Variants in DOCK1 observed in about 807,000 individuals in gnomAD.
DOCK1 encodes dedicator of cytokinesis 1.
DOCK1 carries 138 observed loss-of-function variants against 262.7 expected under a neutral mutation model. The ratio of observed to expected loss-of-function variants is 0.53; its 90% CI spans 0.46 to 0.61. The LOEUF (loss-of-function observed/expected upper bound fraction) is 0.61. DOCK1 is among the 20% of genes least tolerant of loss of function. The probability of loss-of-function intolerance (pLI) is 0.00; values close to 1 mark genes in which losing one functional copy is unlikely to be tolerated. For synonymous variants in DOCK1, 866 were observed against 867.4 expected (o/e 1.00, Z 0.03); for missense variants, 1,908 against 2,370.7 (o/e 0.80, Z 4.05).
chr10:127,015,740 C>G (rs2041826529), intron 12 of DOCK1, among the ~76,000 whole-genome samples: 3 of 152,166 alleles, frequency 2.0e-5, no homozygotes. Context: ...CAGCTAGGAT[C>G]ATGCGGTGGC....
intron 35 of DOCK1, among the ~76,000 whole-genome samples, chr10:127,378,736 T>C (rs1338520668): frequency 1.3e-5 from 2 of 152,240 alleles, no homozygotes; most frequent in Non-Finnish European, 2.9e-5. Flanking sequence ...TTGTAAATAC[T>C]GGCAACTTTG....
At chr10:127,161,326 C>T (rs1254425271) in intron 27 of DOCK1, among the ~76,000 whole-genome samples, 3 of 152,158 alleles carry the variant, frequency 2.0e-5, no homozygotes, top group Non-Finnish European at 4.4e-5. Flanking sequence ...CTCCCAGGAT[C>T]ACCCCTTCAT....
intron 29 of DOCK1, among the ~76,000 whole-genome samples, chr10:127,336,318 G>A (rs1457632215): frequency 6.6e-6 from 1 of 152,044 alleles, no homozygotes; most frequent in African/African-American, 2.4e-5. Context: ...AGCATCATCT[G>A]ATCTTTGTTT....
intron 33 of DOCK1, among the ~76,000 whole-genome samples, chr10:127,369,287 GGTTT>G (rs1445000808): frequency 1.3e-5 from 2 of 152,056 alleles, no homozygotes; most frequent in African/African-American, 2.4e-5. Context: ...TTTATTTGTT[GGTTT>G]GTTTATTTTT....
chr10:126,917,752 C>T (rs2032672832), intron 1 of DOCK1, among the ~76,000 whole-genome samples: 1 of 152,022 alleles, frequency 6.6e-6, no homozygotes, highest in Admixed American at 6.5e-5. Context: ...CCTGGGAGCC[C>T]TAGGTGGAAG....
At chr10:127,260,858 TCTG>T (rs2060020411) in intron 29 of DOCK1, among the ~76,000 whole-genome samples, 1 of 127,214 alleles carries the variant, frequency 7.9e-6, no homozygotes, top group Non-Finnish European at 1.7e-5. Context: ...CCCGTGCTCA[TCTG>T]TGTGTGTGCA....
intron 27 of DOCK1, among the ~76,000 whole-genome samples, chr10:127,219,865 C>T (rs982542321): frequency 3.9e-5 from 6 of 152,168 alleles, no homozygotes; most frequent in African/African-American, 1.4e-4. Context: ...CACCATGGCC[C>T]CAGCCCACAT....
At chr10:127,045,200 TAA>T (rs71032534) in intron 21 of DOCK1, among the ~76,000 whole-genome samples, 365 of 82,050 alleles carry the variant, frequency 4.4e-3, no homozygotes, top group African/African-American at 0.017. Context: ...TCTGTCTCAA[TAA>T]AAAAAAAAAA....
At chr10:127,071,473 T>C (rs1441646372) in intron 23 of DOCK1, among the ~76,000 whole-genome samples, 1 of 152,228 alleles carries the variant, frequency 6.6e-6, no homozygotes, top group Non-Finnish European at 1.5e-5. Context: ...ATGAAAATCA[T>C]CTCTCTTCCA....
chr10:126,967,666 C>T (rs920985929), intron 1 of DOCK1, among the ~76,000 whole-genome samples: 1 of 152,246 alleles, frequency 6.6e-6, no homozygotes, highest in East Asian at 1.9e-4. Flanking sequence ...CCACTGTGTT[C>T]CTCGGCTTGT....
intron 29 of DOCK1, among the ~76,000 whole-genome samples, chr10:127,305,891 T>C (rs939399351): frequency 2.0e-5 from 3 of 152,226 alleles, no homozygotes; most frequent in Admixed American, 1.3e-4. Context: ...TGCCCCTTAG[T>C]CTGCTGGGTT....
rs1490335008 is a variant in DOCK1 at position 127,031,706 on chromosome 10, G to A, written c.1681G>A (p.Asp561Asn). The change falls in exon 17 of 52, where the codon GAT becomes AAT. Residue 561 changes from aspartate (D) to asparagine (N), a missense_variant. Asp to Asn is a conservative substitution (Grantham distance 23). Around this residue, in one of 9 missense-constraint regions of DOCK1, gnomAD observed 294 missense variants for 439.9 expected, o/e 0.67. Coordinates refer to ENST00000623213, the MANE Select transcript of DOCK1 (RefSeq NM_001290223.2). Reference protein sequence around the residue: ...ALAFVKLMRYDGTTLRDGEHD... With the variant: ...ALAFVKLMRYNGTTLRDGEHD... ...AGCATTTGTCAAGCTGATGAGATAC[G>A]ATGGTACCACCCTGCGAGACGGAGA... 5 of 1,613,104 alleles carry A rather than the reference G, an allele frequency of 3.1e-6. No homozygotes were observed. The highest frequency in any genetic ancestry group is 1.1e-5 in the South Asian group (1 of 90,938).
intron 23 of DOCK1, among the ~76,000 whole-genome samples, chr10:127,105,923 G>A (rs1414684040): frequency 6.6e-6 from 1 of 151,918 alleles, no homozygotes; most frequent in Admixed American, 6.6e-5. Flanking sequence ...CCAATGCCTG[G>A]CTAATTTTTT....
chr10:127,071,693 A>G (rs2046243785), intron 23 of DOCK1, among the ~76,000 whole-genome samples: 1 of 152,174 alleles, frequency 6.6e-6, no homozygotes, highest in South Asian at 2.1e-4. Context: ...ATGTGCAATC[A>G]TTTGCTTAAT....
intron 27 of DOCK1, among the ~76,000 whole-genome samples, chr10:127,231,098 C>G (rs545953101): frequency 6.6e-6 from 1 of 152,142 alleles, no homozygotes; most frequent in African/African-American, 2.4e-5. Flanking sequence ...TTTATTAATG[C>G]AACTTTCATT....
At chr10:127,153,272 G>A (rs2052690520) in intron 27 of DOCK1, among the ~76,000 whole-genome samples, 1 of 152,200 alleles carries the variant, frequency 6.6e-6, no homozygotes, top group Non-Finnish European at 1.5e-5. Context: ...GCCAAACACA[G>A]CTTCTTCCTG....
chr10:127,116,706 G>A (rs549843436), intron 25 of DOCK1, among the ~76,000 whole-genome samples: 6 of 151,966 alleles, frequency 3.9e-5, no homozygotes, highest in South Asian at 4.1e-4. Flanking sequence ...GAAATATATC[G>A]AAAGGGATCT....
At chr10:127,133,904 C>T (rs1049668783) in intron 27 of DOCK1, among the ~76,000 whole-genome samples, 1 of 152,192 alleles carries the variant, frequency 6.6e-6, no homozygotes, top group African/African-American at 2.4e-5. Context: ...TGCAAATATG[C>T]TAGTGATAGA....
chr10:127,158,508 A>G (rs746513090), intron 27 of DOCK1, among the ~76,000 whole-genome samples: 1 of 152,244 alleles, frequency 6.6e-6, no homozygotes, highest in African/African-American at 2.4e-5. Flanking sequence ...TTATATATAC[A>G]TAGGCTTGTA....
Sources: gnomAD v4.1 joint callset for allele counts (sites outside exome capture counted in the v4.1 genomes callset) on GRCh38, gnomAD v4.1.1 for gene constraint, gnomAD v4.1.1 regional missense constraint, MANE v1.5 for transcripts, NCBI Gene and HGNC (gene_info 2026-07-23, HGNC 2026-07-21) for gene names.